Variants in CLDN16 observed in about 807,000 individuals in gnomAD.
The protein encoded by CLDN16 is claudin 16, also known as claudin-16.
CLDN16 carries 13 observed loss-of-function variants against 24.6 expected under a neutral mutation model. That is an observed-to-expected ratio of 0.53 (90% confidence interval 0.34 to 0.84). The LOEUF (loss-of-function observed/expected upper bound fraction) is 0.84. CLDN16 is among the 40% of genes least tolerant of loss of function. The pLI is 0.01. For missense variants in CLDN16, 298 were observed against 292.7 expected (o/e 1.02, Z -0.13); for synonymous variants, 116 against 106.7 (o/e 1.09, Z -0.54).
the CLDN16 span, among the ~76,000 whole-genome samples, chr3:190,290,492 C>A: frequency 1.3e-5 from 2 of 152,020 alleles, no homozygotes; most frequent in African/African-American, 4.8e-5. Flanking sequence ...AGGTGGAAGA[C>A]AATTTTAAGG....
intron 3 of CLDN16, among the ~76,000 whole-genome samples, chr3:190,374,981 G>A (rs1342277691): frequency 1.3e-5 from 2 of 151,808 alleles, no homozygotes; most frequent in Non-Finnish European, 2.9e-5. Flanking sequence ...CAAGTATCTT[G>A]GATTTATATC....
chr3:190,346,156 C>T lies in CLDN16; in HGVS notation n.121+23495C>T, dbSNP rs146037645. Among the ~76,000 whole-genome samples, 187 of 151,066 alleles carry T rather than the reference C, an allele frequency of 1.2e-3. 1 individual carries two copies. Among genetic ancestry groups the T allele is most frequent in the African/African-American group, 4.2e-3 (173 of 41,116 alleles). Reference sequence around the variant, plus strand: ...TTAAAGAAGGAATTTACACCGAGACCGAAGGAAAGAAACAGAAAAGAAAGT... The same window carrying T: ...TTAAAGAAGGAATTTACACCGAGACTGAAGGAAAGAAACAGAAAAGAAAGT... On this transcript the variant is annotated intron_variant and non_coding_transcript_variant, in intron 1 of 4. Coordinates refer to the CLDN16 transcript ENST00000468220.
the CLDN16 span, among the ~76,000 whole-genome samples, chr3:190,314,124 A>G: frequency 6.6e-6 from 1 of 152,208 alleles, no homozygotes; most frequent in African/African-American, 2.4e-5. Flanking sequence ...TAATATTTCA[A>G]TTATATAAGT....
intron 1 of CLDN16, among the ~76,000 whole-genome samples, chr3:190,325,717 TTAA>T (rs1717046604): frequency 6.6e-6 from 1 of 152,134 alleles, no homozygotes; most frequent in Non-Finnish European, 1.5e-5. Flanking sequence ...TCAGAAATGG[TTAA>T]TGATGACAGT....
At chr3:190,342,618 T>C (rs113209429) in intron 1 of CLDN16, among the ~76,000 whole-genome samples, 5,970 of 152,216 alleles carry the variant, frequency 0.039, 395 homozygotes, top group African/African-American at 0.13. Flanking sequence ...AAAAGAGGCA[T>C]GTCAGCCAGT....
At chr3:190,320,967 A>C (rs1560076960), upstream of CLDN16, among the ~76,000 whole-genome samples, 1 of 151,738 alleles carries the variant, frequency 6.6e-6, no homozygotes, top group African/African-American at 2.4e-5. Context: ...AATTTAAAAA[A>C]CAAAGTAAAA....
rs1577435102 is a variant in CLDN16, at chr3:190,412,091, G to A, written c.*2055G>A. On this transcript the variant is annotated 3_prime_UTR_variant, in exon 5 of 5. Coordinates refer to ENST00000264734, the MANE Select transcript of CLDN16 (RefSeq NM_006580.4). ...AGAGAACCATGATGATAATGGATAT[G>A]TGTGACTGTTTTGAATTTTTTTCTC... is the stretch of plus-strand genomic sequence containing the variant. 6.6e-6 allele frequency: 1 copy of A among 152,178 alleles called. No homozygotes were observed. Among genetic ancestry groups the A allele is most frequent in the African/African-American group, 2.4e-5 (1 of 41,562 alleles). 9.4% of individuals were successfully genotyped at this position (152,178 alleles called of 1,614,324 possible). A position where few individuals can be genotyped will look rare whatever the true frequency, so the allele number is the denominator to read the frequency against.
At chr3:190,331,720 T>A (rs949132019) in intron 1 of CLDN16, among the ~76,000 whole-genome samples, 1 of 152,240 alleles carries the variant, frequency 6.6e-6, no homozygotes, top group African/African-American at 2.4e-5. Context: ...AAAATTAGTC[T>A]ATTAGTTTTC....
chr3:190,372,889 A>G (rs939817731), intron 2 of CLDN16, among the ~76,000 whole-genome samples: 3 of 151,846 alleles, frequency 2.0e-5, no homozygotes, highest in African/African-American at 7.2e-5. Flanking sequence ...AGCTCCATGG[A>G]GCCCAGTTCC....
rs1174917504 is a variant in CLDN16 at position 190,411,840 on chromosome 3, A to G, written c.*1804A>G. 1 of 152,128 alleles carries G rather than the reference A, an allele frequency of 6.6e-6. No homozygotes were observed. The highest frequency in any genetic ancestry group is 2.4e-5 in the African/African-American group (1 of 41,452). The allele number at this position is 152,128 out of a possible 1,614,324, so 9.4% of individuals were successfully genotyped here. On this transcript the variant is annotated 3_prime_UTR_variant, in exon 5 of 5. Coordinates refer to ENST00000264734, the MANE Select transcript of CLDN16 (RefSeq NM_006580.4). ...AATCATACTCATTAGTTATTTGATC[A>G]TTGTTCTATGCATTTTAAAATTAAT...
intron 3 of CLDN16, among the ~76,000 whole-genome samples, chr3:190,405,565 A>G (rs1042779307): frequency 1.3e-5 from 2 of 152,090 alleles, no homozygotes; most frequent in African/African-American, 4.8e-5. Context: ...ATCCTAAAGT[A>G]AGCCCCAAAC....
chr3:190,377,938 G>A (rs1426832565), intron 3 of CLDN16, among the ~76,000 whole-genome samples: 1 of 151,878 alleles, frequency 6.6e-6, no homozygotes, highest in African/African-American at 2.4e-5. Context: ...TTTTAACTAG[G>A]AGTTTCCAGA....
At chr3:190,363,554 GTGT>G (rs1717947706) in intron 1 of CLDN16, among the ~76,000 whole-genome samples, 1 of 81,364 alleles carries the variant, frequency 1.2e-5, no homozygotes, top group Non-Finnish European at 2.3e-5. Context: ...GTGTGTGTGT[GTGT>G]ATATATATAT....
At chr3:190,381,630 AGTCATCTAACTTTCTAT>A (rs1349960500) in intron 3 of CLDN16, among the ~76,000 whole-genome samples, 2 of 152,080 alleles carry the variant, frequency 1.3e-5, no homozygotes, top group Non-Finnish European at 1.5e-5. Context: ...ATAGAAAGTT[AGTCATCTAACTTTCTAT>A]TTTATTGTGT....
chr3:190,319,440 C>G (rs1451657662), upstream of CLDN16, among the ~76,000 whole-genome samples: 1 of 152,190 alleles, frequency 6.6e-6, no homozygotes, highest in Non-Finnish European at 1.5e-5. Flanking sequence ...TTGGCAAGAA[C>G]TACCTAAAAG....
intron 4 of CLDN16, among the ~76,000 whole-genome samples, chr3:190,409,273 T>C (rs564208839): frequency 3.3e-5 from 5 of 151,734 alleles, no homozygotes; most frequent in South Asian, 2.1e-4. Flanking sequence ...TGCACACATG[T>C]ATATGTATGT....
chr3:190,350,365 T>TATATATATATATAC (rs1318369050), intron 1 of CLDN16, among the ~76,000 whole-genome samples: 144 of 148,668 alleles, frequency 9.7e-4, no homozygotes, highest in Non-Finnish European at 1.2e-3. Flanking sequence ...TATATATATA[T>TATATATATATATAC]ACTTTATTAT....
intron 1 of CLDN16, among the ~76,000 whole-genome samples, chr3:190,329,400 T>A (rs1717136381): frequency 6.6e-6 from 1 of 152,210 alleles, no homozygotes; most frequent in Non-Finnish European, 1.5e-5. Context: ...CTAAAGGAGA[T>A]CAAACATTGG....
chr3:190,352,756 A>G (rs1441774125), intron 1 of CLDN16, among the ~76,000 whole-genome samples: 2 of 151,894 alleles, frequency 1.3e-5, no homozygotes, highest in Non-Finnish European at 1.5e-5. Context: ...TCCAAAGAGA[A>G]TCTCGTAGAA....
Sources: gnomAD v4.1 joint callset for allele counts (sites outside exome capture counted in the v4.1 genomes callset) on GRCh38, gnomAD v4.1.1 for gene constraint, MANE v1.5 for transcripts, NCBI Gene and HGNC (gene_info 2026-07-23, HGNC 2026-07-21) for gene names.